Variants in DST observed in about 807,000 individuals in gnomAD.
DST encodes dystonin, also known as bullous pemphigoid antigen.
In DST, 253 loss-of-function variants were observed where a neutral mutation model predicts 875.2. The observed-to-expected ratio is 0.29, with a 90% CI of 0.26 to 0.32. DST has a LOEUF of 0.32. Among genes scored for constraint, DST ranks in the 10% least tolerant of loss-of-function variants. DST has a pLI of 1.00. For synonymous variants in DST, 3,124 were observed against 3,197.1 expected (o/e 0.98, Z 0.77); for missense variants, 8,287 against 9,111.6 (o/e 0.91, Z 3.68).
chr6:56,884,105 T>G (rs1783474033), intron 3 of DST, among the ~76,000 whole-genome samples: 2 of 151,888 alleles, frequency 1.3e-5, no homozygotes, highest in Non-Finnish European at 2.9e-5. Context: ...CACTCGAGCC[T>G]GGGTGGCAGA....
intron 4 of DST, among the ~76,000 whole-genome samples, chr6:56,762,935 G>A (rs1368563621): frequency 1.4e-5 from 2 of 141,936 alleles, no homozygotes; most frequent in Admixed American, 7.7e-5. Flanking sequence ...ACTGCAACAT[G>A]TGCCTCCCCG....
chr6:56,518,106 AT>A (rs2096630463), intron 69 of DST, among the ~76,000 whole-genome samples: 1 of 152,190 alleles, frequency 6.6e-6, no homozygotes, highest in Non-Finnish European at 1.5e-5. Context: ...GCATGTGTAA[AT>A]ATACATCTCT....
rs763535220 is a variant in DST at position 56,593,623 on chromosome 6, G to T, written c.12726+40C>A. On this transcript the variant is annotated intron_variant, in intron 48 of 103. Coordinates refer to ENST00000680361, the MANE Select transcript of DST (RefSeq NM_001374736.1). ...AAAACTATAATTGAAAACTATAATT[G>T]CAGATTGACTTTTCCCTTAAAAAAT... 2.8e-6 allele frequency: 4 copies of T among 1,425,642 alleles called. No individual in the cohort carries two copies. In the East Asian group the frequency reaches 7.1e-5, roughly 25 times the overall value. 88.3% of individuals were successfully genotyped at this position (1,425,642 alleles called of 1,614,324 possible). A position where few individuals can be genotyped will look rare whatever the true frequency, so the allele number is the denominator to read the frequency against.
chr6:56,873,273 AT>A (rs1778190071), intron 3 of DST, among the ~76,000 whole-genome samples: 1 of 152,100 alleles, frequency 6.6e-6, no homozygotes, highest in East Asian at 1.9e-4. Context: ...GCTGGCAAAT[AT>A]TTTTTTCCCA....
chr6:56,935,196 A>G (rs906844697), intron 2 of DST, among the ~76,000 whole-genome samples: 10 of 152,226 alleles, frequency 6.6e-5, no homozygotes, highest in Non-Finnish European at 1.0e-4. Flanking sequence ...TCTCCCACCC[A>G]GAACAGCTGA....
At chr6:56,601,087 C>A (rs1448739872) in intron 44 of DST, among the ~76,000 whole-genome samples, 1 of 152,012 alleles carries the variant, frequency 6.6e-6, no homozygotes, top group African/African-American at 2.4e-5. Context: ...ATCTGAATTG[C>A]TGTGCTGTAT....
In DST at chr6:56,473,853, A is replaced by G. The variant is rs746786154; in HGVS notation, c.21994+20T>C. ...GCTCCCTTATTTATTGACATTTTAA[A>G]GAAATTGATCACTGCTTACTTCCTG... On this transcript the variant is annotated intron_variant, in intron 93 of 103. Coordinates refer to ENST00000680361, the MANE Select transcript of DST (RefSeq NM_001374736.1). 11 of 1,577,924 alleles carry G rather than the reference A, an allele frequency of 7.0e-6. No individual in the cohort carries two copies. The East Asian group carries it at 2.5e-4, about 35-fold the overall frequency.
intron 98 of DST, among the ~76,000 whole-genome samples, chr6:56,468,619 A>G (rs903036583): frequency 1.3e-5 from 2 of 152,154 alleles, no homozygotes; most frequent in Admixed American, 1.3e-4. Flanking sequence ...TTAAACACCA[A>G]TGAGCCTAAC....
rs112712889 is a variant in DST at position 56,495,274 on chromosome 6, G to T, written c.20224-1094C>A. Among the ~76,000 whole-genome samples the T allele has an allele frequency of 6.8e-3, 1,026 of 151,908 alleles. 10 individuals carry two copies. Among genetic ancestry groups the T allele is most frequent in the African/African-American group, 0.023 (969 of 41,528 alleles). Reference sequence around the variant, plus strand: ...AAAATCAAAAGAACTTTATTGAAATGATATTACAAATATCAACAACTCTTT... The same window carrying T: ...AAAATCAAAAGAACTTTATTGAAATTATATTACAAATATCAACAACTCTTT... On this transcript the variant is annotated intron_variant, in intron 82 of 103. Coordinates refer to ENST00000680361, the MANE Select transcript of DST (RefSeq NM_001374736.1).
intron 2 of DST, among the ~76,000 whole-genome samples, chr6:56,913,909 C>A (rs933825400): frequency 2.0e-5 from 3 of 152,150 alleles, no homozygotes; most frequent in African/African-American, 7.2e-5. Context: ...ATTTAGACTG[C>A]AACTACCAGG....
chr6:56,899,460 C>T lies in DST; in HGVS notation c.417+961G>A, dbSNP rs374100772. Among the ~76,000 whole-genome samples, 41 of 152,200 alleles carry T rather than the reference C, an allele frequency of 2.7e-4. No homozygotes were observed. The South Asian group carries it at 3.7e-3, about 14-fold the overall frequency. ...CTGAGTCAGACATTCTCTTGGCCTT[C>T]GCACAGTCTCCACATGTGCCTGCCA... On this transcript the variant is annotated intron_variant, in intron 3 of 103. Coordinates refer to ENST00000680361, the MANE Select transcript of DST (RefSeq NM_001374736.1).
intron 4 of DST, among the ~76,000 whole-genome samples, chr6:56,826,214 T>C (rs1490254114): frequency 1.3e-5 from 2 of 152,172 alleles, no homozygotes; most frequent in African/African-American, 4.8e-5. Flanking sequence ...CAGCCATAAA[T>C]GACCACACAA....
chr6:56,919,351 T>A (rs1299182552), intron 2 of DST, among the ~76,000 whole-genome samples: 2 of 152,222 alleles, frequency 1.3e-5, no homozygotes, highest in Admixed American at 6.5e-5. Context: ...GAATTAATCA[T>A]ATGTACATTT....
At chr6:56,469,709 G>C (rs1296145717) in intron 97 of DST, among the ~76,000 whole-genome samples, 174 bp downstream of exon 97, 1 of 151,426 alleles carries the variant, frequency 6.6e-6, no homozygotes, top group African/African-American at 2.4e-5. Context: ...CAAAATGCAG[G>C]CTGCCGTTAT....
chr6:56,884,306 G>A (rs1287650966), intron 3 of DST, among the ~76,000 whole-genome samples: 5 of 151,926 alleles, frequency 3.3e-5, no homozygotes, highest in Non-Finnish European at 5.9e-5. Context: ...AGAAATTAGG[G>A]GTATTTGTTC....
chr6:56,718,069 C>A (rs558455549), intron 5 of DST, among the ~76,000 whole-genome samples: 2 of 147,136 alleles, frequency 1.4e-5, no homozygotes, highest in Admixed American at 6.7e-5. Flanking sequence ...ACAGTGAAAC[C>A]TTGTCTTAAA....
chr6:56,742,266 C>G (rs1004615123), intron 4 of DST: 6 of 1,280,766 alleles, frequency 4.7e-6, no homozygotes, highest in Non-Finnish European at 6.1e-6. Context: ...TGTGATACTA[C>G]TAACCCATAC....
At chr6:56,713,695 TTTCAGAGCA>T (rs1176608599) in intron 5 of DST, among the ~76,000 whole-genome samples, 2 of 152,204 alleles carry the variant, frequency 1.3e-5, no homozygotes, top group Non-Finnish European at 2.9e-5. Context: ...CCGGTGTCCC[TTTCAGAGCA>T]TTATTTCCTA....
chr6:56,524,683 A>C (rs920436279), intron 69 of DST, among the ~76,000 whole-genome samples: 7 of 152,132 alleles, frequency 4.6e-5, no homozygotes, highest in Non-Finnish European at 1.0e-4. Context: ...ATAAAAATAC[A>C]CACATGAACA....
Sources: gnomAD v4.1 joint callset for allele counts (sites outside exome capture counted in the v4.1 genomes callset) on GRCh38, gnomAD v4.1.1 for gene constraint, MANE v1.5 for transcripts, NCBI Gene and HGNC (gene_info 2026-07-23, HGNC 2026-07-21) for gene names.